The following KCNIP4 variants were observed in gnomAD, a reference collection of about 807,000 sequenced individuals.
KCNIP4 encodes the protein potassium voltage-gated channel interacting protein 4.
Under a neutral mutation model 34.0 loss-of-function variants are expected in KCNIP4, and 12 were observed. That is an observed-to-expected ratio of 0.35 (90% CI 0.23 to 0.57). KCNIP4 has a LOEUF of 0.57. Among genes scored for constraint, KCNIP4 ranks in the 20% least tolerant of loss-of-function variants. The pLI is 0.83. For synonymous variants in KCNIP4, 124 were observed against 102.2 expected (o/e 1.21, Z -1.29); for missense variants, 238 against 311.7 (o/e 0.76, Z 1.78).
chr4:21,371,990 G>C (rs1044747866), intron 1 of KCNIP4, among the ~76,000 whole-genome samples: 2 of 146,870 alleles, frequency 1.4e-5, no homozygotes, highest in South Asian at 2.1e-4. Flanking sequence ...ACACAATGGG[G>C]ATCTCCATAC....
chr4:21,408,488 G>A (rs1724201495), intron 1 of KCNIP4, among the ~76,000 whole-genome samples: 1 of 152,200 alleles, frequency 6.6e-6, no homozygotes, highest in African/African-American at 2.4e-5. Context: ...AAAAAGAGTA[G>A]AGTAGTGACA....
intron 1 of KCNIP4, among the ~76,000 whole-genome samples, chr4:21,445,761 A>C (rs1454630643): frequency 6.6e-6 from 1 of 152,262 alleles, no homozygotes; most frequent in African/African-American, 2.4e-5. Context: ...ACAAAAGCCA[A>C]AATTGACAAA....
chr4:21,356,478 C>A (rs994694966), intron 1 of KCNIP4, among the ~76,000 whole-genome samples: 1 of 152,144 alleles, frequency 6.6e-6, no homozygotes, highest in Non-Finnish European at 1.5e-5. Flanking sequence ...TCTCAAGATA[C>A]AAAATCAGTG....
chr4:21,880,645 C>A (rs184306030), intron 1 of KCNIP4, among the ~76,000 whole-genome samples: 1 of 152,084 alleles, frequency 6.6e-6, no homozygotes, highest in South Asian at 2.1e-4. Context: ...AAGAAGAGAA[C>A]AAAATGATAT....
intron 1 of KCNIP4, among the ~76,000 whole-genome samples, chr4:20,997,715 A>G (rs1737691563): frequency 1.3e-5 from 2 of 152,138 alleles, no homozygotes; most frequent in East Asian, 1.9e-4. Flanking sequence ...TCAAACATCA[A>G]CGAGGAAGAT....
At chr4:21,793,571 T>C (rs1289697831) in intron 1 of KCNIP4, among the ~76,000 whole-genome samples, 1 of 152,186 alleles carries the variant, frequency 6.6e-6, no homozygotes, top group Non-Finnish European at 1.5e-5. Context: ...CAAGTAGTTT[T>C]TTCAATAAGA....
chr4:21,308,682 A>G (rs1297642000), intron 1 of KCNIP4, among the ~76,000 whole-genome samples: 1 of 151,208 alleles, frequency 6.6e-6, no homozygotes, highest in East Asian at 1.9e-4. Context: ...AATGTTAGAT[A>G]CAAGAAAGTT....
chr4:21,033,712 C>A (rs774699132), intron 1 of KCNIP4, among the ~76,000 whole-genome samples: 1 of 152,138 alleles, frequency 6.6e-6, no homozygotes, highest in Non-Finnish European at 1.5e-5. Flanking sequence ...TATAGACACT[C>A]TCTATATAAA....
chr4:21,236,957 G>A (rs189685221), intron 1 of KCNIP4, among the ~76,000 whole-genome samples: 5 of 151,132 alleles, frequency 3.3e-5, no homozygotes, highest in Admixed American at 3.3e-4. Flanking sequence ...AGTGAGCCGA[G>A]ATCGTGCCAC....
rs189340735 is a variant in KCNIP4, at chr4:21,519,982, G to A, written c.61+428589C>T. ...GCAAGCTAAGGAGCAAGGAAAGCCA[G>A]CCCAAGTCCCAAAACTGAAGAACTT... On this transcript the variant is annotated intron_variant, in intron 1 of 8. Coordinates refer to ENST00000382152, the MANE Select transcript of KCNIP4 (RefSeq NM_025221.6). Among the ~76,000 whole-genome samples the A allele has an allele frequency of 3.3e-3, 493 of 151,652 alleles. 1 individual carries two copies. Among genetic ancestry groups the A allele is most frequent in the Middle Eastern group, 6.9e-3 (2 of 288 alleles).
chr4:21,515,490 T>A (rs988095809), intron 1 of KCNIP4, among the ~76,000 whole-genome samples: 3 of 152,014 alleles, frequency 2.0e-5, no homozygotes, highest in South Asian at 2.1e-4. Flanking sequence ...TACAAAAAAA[T>A]TAGCTATGCG....
chr4:21,089,390 T>C (rs1746775688), intron 1 of KCNIP4, among the ~76,000 whole-genome samples: 2 of 152,208 alleles, frequency 1.3e-5, no homozygotes, highest in Non-Finnish European at 2.9e-5. Flanking sequence ...CAGCCAGGCT[T>C]CCTGCACAGC....
intron 1 of KCNIP4, among the ~76,000 whole-genome samples, chr4:21,523,503 T>C (rs115382767): frequency 4.3e-4 from 65 of 152,248 alleles, no homozygotes; most frequent in African/African-American, 1.5e-3. Context: ...CACTCATCTT[T>C]TTCTTTTCTC....
intron 1 of KCNIP4, among the ~76,000 whole-genome samples, chr4:21,727,663 TA>T (rs1715294751): frequency 6.6e-6 from 1 of 151,920 alleles, no homozygotes; most frequent in African/African-American, 2.4e-5. Flanking sequence ...AACTCATCTT[TA>T]CTAAAAATAC....
At chr4:21,036,422 C>T (rs1741449218) in intron 1 of KCNIP4, among the ~76,000 whole-genome samples, 1 of 152,208 alleles carries the variant, frequency 6.6e-6, no homozygotes, top group Non-Finnish European at 1.5e-5. Context: ...TAGATTGCTC[C>T]TGCAAACTAG....
At chr4:20,893,543 C>A (rs1465146679) in intron 1 of KCNIP4, among the ~76,000 whole-genome samples, 2 of 151,920 alleles carry the variant, frequency 1.3e-5, no homozygotes, top group African/African-American at 4.8e-5. Context: ...CCGCCTCAGC[C>A]TCCCAAGTAG....
chr4:21,699,569 C>T (rs567783895), intron 1 of KCNIP4, among the ~76,000 whole-genome samples: 1 of 151,962 alleles, frequency 6.6e-6, no homozygotes, highest in Non-Finnish European at 1.5e-5. Context: ...AGGAACTGAC[C>T]GTGAGATGTT....
Position 21,525,504 on chromosome 4 carries a change from T to G in KCNIP4, c.61+423067A>C, listed in dbSNP as rs1342681333. The stretch of plus-strand genomic sequence containing the variant: ...CTTTCCCAACCCCCATAAAAATATT[T>G]AAAAAATGACAGATGCCTCACAAAA... On this transcript the variant is annotated intron_variant, in intron 1 of 8. Transcript: ENST00000382152. Among the ~76,000 whole-genome samples the G allele has an allele frequency of 6.6e-5, 10 of 152,268 alleles. No individual in the cohort carries two copies. The East Asian group carries it at 1.9e-3, about 29-fold the overall frequency.
At chr4:21,014,913 A>T (rs1739367808) in intron 1 of KCNIP4, among the ~76,000 whole-genome samples, 1 of 152,224 alleles carries the variant, frequency 6.6e-6, no homozygotes, top group Non-Finnish European at 1.5e-5. Context: ...ATATACATAC[A>T]ATGGAATATT....
Sources: allele counts gnomAD v4.1 joint callset (sites outside exome capture counted in the v4.1 genomes callset), GRCh38; gene constraint gnomAD v4.1.1; transcripts MANE v1.5; gene names NCBI Gene and HGNC (gene_info 2026-07-23, HGNC 2026-07-21).